The following AMMECR1 variants were observed in gnomAD, a reference collection of about 807,000 sequenced individuals.
The protein encoded by AMMECR1 is nuclear protein AMMECR1.
A neutral mutation model predicts 22.5 loss-of-function variants in AMMECR1; 3 were observed. The observed-to-expected ratio is 0.13, with a 90% CI of 0.06 to 0.35. The LOEUF is 0.35. Among genes scored for constraint, AMMECR1 ranks in the 10% least tolerant of loss-of-function variants. AMMECR1 has a pLI of 1.00. For synonymous variants in AMMECR1, 130 were observed against 116.7 expected (o/e 1.11, Z -0.74); for missense variants, 235 against 278.7 (o/e 0.84, Z 1.12).
At chrX:110,330,021 A>G (rs188185828) in intron 2 of AMMECR1, among the ~76,000 whole-genome samples, 1 of 111,802 alleles carries the variant, frequency 8.9e-6, no homozygotes, top group Non-Finnish European at 1.9e-5. Context: ...TAGAAAAAAT[A>G]AATCACAAAA....
chrX:110,317,768 C>T lies in AMMECR1; in HGVS notation c.304G>A (p.Ala102Thr), dbSNP rs772599822. The part of the protein sequence containing the change: ...GVGTLLSTPA[A>T]ATSSSPSSSS... ...GAGGAGGGTGAGGAAGAGGTGGCGG[C>T]GGCCGGGGTAGAAAGTAGGGTCCCC... The change falls in exon 1 of 6, where the codon GCC (alanine) becomes ACC (threonine). Residue 102 changes from alanine to threonine, a missense_variant. By Grantham distance (58) the Ala-to-Thr change is moderately conservative. Around this residue, in one of 2 missense-constraint regions of AMMECR1, gnomAD observed 124 missense variants for 97.0 expected, o/e 1.28. Coordinates refer to ENST00000262844, the MANE Select transcript of AMMECR1 (RefSeq NM_015365.3). 1.7e-6 allele frequency: 2 copies of T among 1,177,560 alleles called. No homozygotes were observed. Among genetic ancestry groups the T allele is most frequent in the Admixed American group, 2.5e-5 (1 of 40,806 alleles).
At chrX:110,236,834 T>G (rs1307280516) in intron 2 of AMMECR1, among the ~76,000 whole-genome samples, 1 of 112,522 alleles carries the variant, frequency 8.9e-6, no homozygotes. Context: ...ATTTATTTAA[T>G]GCTGTTCATT....
At chrX:110,409,307 A>G (rs2068625039) in intron 2 of AMMECR1, among the ~76,000 whole-genome samples, 1 of 111,301 alleles carries the variant, frequency 9.0e-6, no homozygotes, top group Admixed American at 9.5e-5. Flanking sequence ...GTCAAGGCCC[A>G]GGGCTTCCTA....
At chrX:110,379,803 T>C (rs1450827998) in intron 2 of AMMECR1, among the ~76,000 whole-genome samples, 2 of 112,349 alleles carry the variant, frequency 1.8e-5, no homozygotes, top group Non-Finnish European at 3.8e-5. Context: ...AATGCATGGA[T>C]GGCCTTTGAG....
At chrX:110,271,629 T>C (rs1451010760) in intron 1 of AMMECR1, among the ~76,000 whole-genome samples, 1 of 112,056 alleles carries the variant, frequency 8.9e-6, no homozygotes, top group Non-Finnish European at 1.9e-5. Context: ...GACAATCTTA[T>C]AGTTTTTTAG....
chrX:110,331,696 T>C (rs2068121520), intron 2 of AMMECR1, among the ~76,000 whole-genome samples: 1 of 111,362 alleles, frequency 9.0e-6, no homozygotes, highest in East Asian at 2.8e-4. Context: ...TTAAAACCTT[T>C]GGTTAATTTC....
chrX:110,412,395 C>T (rs191760848), intron 2 of AMMECR1, among the ~76,000 whole-genome samples: 51 of 112,326 alleles, frequency 4.5e-4, no homozygotes, highest in Non-Finnish European at 5.6e-5. Flanking sequence ...ATTTATAATA[C>T]ATCCCAATAA....
intron 2 of AMMECR1, among the ~76,000 whole-genome samples, chrX:110,385,853 G>A (rs985152483): frequency 2.7e-5 from 3 of 111,111 alleles, no homozygotes; most frequent in Non-Finnish European, 5.7e-5. Flanking sequence ...AGTGTCTATC[G>A]TTCCCATATT....
At chrX:110,358,895 A>C (rs765155807) in intron 2 of AMMECR1, 1 of 111,551 alleles carries the variant, frequency 9.0e-6, no homozygotes, top group Non-Finnish European at 1.9e-5. Context: ...AGTGCCAGCC[A>C]TGAGGACTGG....
chrX:110,232,486 G>A (rs1182519666), intron 2 of AMMECR1, among the ~76,000 whole-genome samples: 9 of 111,765 alleles, frequency 8.1e-5, no homozygotes, highest in African/African-American at 2.3e-4. Flanking sequence ...AAGACACAAC[G>A]TACCGGAATC....
chrX:110,194,517 T>C lies in AMMECR1; in HGVS notation c.*4003A>G, dbSNP rs2067361357. 1.8e-5 allele frequency: 2 copies of C among 112,186 alleles called. No individual in the cohort carries two copies. The highest frequency in any genetic ancestry group is 6.5e-5 in the African/African-American group (2 of 30,855). 9.2% of individuals were successfully genotyped at this position (112,186 alleles called of 1,213,427 possible). A position where few individuals can be genotyped will look rare whatever the true frequency, so the allele number is the denominator to read the frequency against. ...AAGAGGAGCTACTCCAGGTAGCTTT[T>C]TGCTCATTACAAGTCTCACCATTGT... On this transcript the variant is annotated 3_prime_UTR_variant, in exon 6 of 6. Transcript: ENST00000262844.
intron 1 of AMMECR1, among the ~76,000 whole-genome samples, chrX:110,300,996 T>TA (rs2067963848): frequency 8.9e-6 from 1 of 112,108 alleles, no homozygotes; most frequent in Non-Finnish European, 1.9e-5. Flanking sequence ...ACAGTTCTTA[T>TA]TGATTGCTTA....
chrX:110,287,052 C>T, intron 1 of AMMECR1, among the ~76,000 whole-genome samples: 1 of 112,238 alleles, frequency 8.9e-6, no homozygotes, highest in Admixed American at 9.4e-5. Flanking sequence ...CAGCTACTAT[C>T]ATGTGAGAGA....
At chrX:110,342,315 A>G (rs1263065300) in intron 2 of AMMECR1, among the ~76,000 whole-genome samples, 1 of 111,559 alleles carries the variant, frequency 9.0e-6, no homozygotes, top group Non-Finnish European at 1.9e-5. Context: ...ATGTATAAAG[A>G]GCCTTTTAGA....
intron 2 of AMMECR1, among the ~76,000 whole-genome samples, chrX:110,232,559 AAGC>A (rs1314061784): frequency 9.0e-6 from 1 of 111,535 alleles, no homozygotes; most frequent in Non-Finnish European, 1.9e-5. Context: ...CCACAAGAGA[AAGC>A]AGGAAAGATC....
chrX:110,289,227 C>G, intron 1 of AMMECR1, among the ~76,000 whole-genome samples: 1 of 111,794 alleles, frequency 8.9e-6, no homozygotes, highest in Middle Eastern at 4.6e-3. Context: ...GTGGCAATTT[C>G]TACCTCTTTT....
At chrX:110,299,015 AT>A (rs1391145680) in intron 1 of AMMECR1, among the ~76,000 whole-genome samples, 1 of 111,865 alleles carries the variant, frequency 8.9e-6, no homozygotes, top group Non-Finnish European at 1.9e-5. Flanking sequence ...ATTTCATTGT[AT>A]TTCATTTAAT....
At chrX:110,433,194 CAT>C (rs1435413427) in intron 1 of AMMECR1, among the ~76,000 whole-genome samples, 1 of 112,585 alleles carries the variant, frequency 8.9e-6, no homozygotes, top group African/African-American at 3.2e-5. Flanking sequence ...CCTGACGTCA[CAT>C]AGTTGATTGA....
At chrX:110,414,989 A>G (rs1302215487) in intron 2 of AMMECR1, among the ~76,000 whole-genome samples, 3 of 111,235 alleles carry the variant, frequency 2.7e-5, no homozygotes, top group African/African-American at 9.8e-5. Context: ...CTGCCTCCCC[A>G]TCCTCCACAC....
Sources: allele counts gnomAD v4.1 joint callset (sites outside exome capture counted in the v4.1 genomes callset), GRCh38; gene constraint gnomAD v4.1.1; regional missense constraint gnomAD v4.1.1; transcripts MANE v1.5; gene names NCBI Gene and HGNC (gene_info 2026-07-23, HGNC 2026-07-21).